Variants in CACNB2 observed in about 807,000 individuals in gnomAD.
CACNB2 encodes the protein voltage-dependent L-type calcium channel subunit beta-2.
CACNB2 carries 42 observed loss-of-function variants against 73.3 expected under a neutral mutation model. That is an observed-to-expected ratio of 0.57 (90% CI 0.45 to 0.74). The LOEUF (loss-of-function observed/expected upper bound fraction) is 0.74. Ranked by LOEUF, CACNB2 falls within the 30% of genes least tolerant of loss-of-function variation. The probability of loss-of-function intolerance (pLI) is 0.00; values close to 1 mark genes in which losing one functional copy is unlikely to be tolerated. For missense variants in CACNB2, 940 were observed against 853.0 expected (o/e 1.10, Z -1.27); for synonymous variants, 348 against 310.3 (o/e 1.12, Z -1.28).
Position 18,445,990 on chromosome 10 carries a change from C to T in CACNB2, c.333+43947C>T, listed in dbSNP as rs554282638. Among the ~76,000 whole-genome samples the T allele has an allele frequency of 1.3e-4, 20 of 152,258 alleles. 1 individual carries two copies. The South Asian group carries it at 4.1e-3, about 32-fold the overall frequency. On this transcript the variant is annotated intron_variant, in intron 3 of 13. Transcript: ENST00000324631. ...AGGAGGTTTCAGTGAGCCAAGATCA[C>T]ACCATTACACTCCAGCCTGGGTGAC... is the stretch of plus-strand genomic sequence containing the variant.
chr10:18,275,525 A>T (rs901344516), intron 2 of CACNB2, among the ~76,000 whole-genome samples: 5 of 152,150 alleles, frequency 3.3e-5, no homozygotes, highest in Admixed American at 3.3e-4. Flanking sequence ...AGGTGATGGG[A>T]TGATCTTTGA....
At chr10:18,315,691 C>T (rs1218072120) in intron 2 of CACNB2, among the ~76,000 whole-genome samples, 1 of 151,504 alleles carries the variant, frequency 6.6e-6, no homozygotes, top group Non-Finnish European at 1.5e-5. Context: ...AGGATCCTGT[C>T]CCAAAGAAAC....
intron 2 of CACNB2, among the ~76,000 whole-genome samples, chr10:18,210,651 A>G (rs2035280929): frequency 6.6e-6 from 1 of 152,012 alleles, no homozygotes; most frequent in Admixed American, 6.6e-5. Flanking sequence ...ACAATAAAGG[A>G]CTCTACCTCC....
At chr10:18,490,346 C>T (rs550644146) in intron 3 of CACNB2, among the ~76,000 whole-genome samples, 13 of 152,294 alleles carry the variant, frequency 8.5e-5, no homozygotes, top group Non-Finnish European at 1.0e-4. Context: ...ATTTACCAGT[C>T]GCCCTCATGC....
chr10:18,392,163 A>G (rs2043506836), intron 2 of CACNB2, among the ~76,000 whole-genome samples: 1 of 152,118 alleles, frequency 6.6e-6, no homozygotes, highest in Non-Finnish European at 1.5e-5. Flanking sequence ...AAGGGGCCCA[A>G]CAAGGTTAGA....
intron 2 of CACNB2, among the ~76,000 whole-genome samples, chr10:18,332,661 G>C (rs923435749): frequency 6.6e-6 from 1 of 152,140 alleles, no homozygotes; most frequent in African/African-American, 2.4e-5. Context: ...CAGGGTGAGA[G>C]GGGGTATCTA....
At chr10:18,186,702 C>G (rs890239028) in intron 2 of CACNB2, among the ~76,000 whole-genome samples, 12 of 152,120 alleles carry the variant, frequency 7.9e-5, no homozygotes, top group Non-Finnish European at 1.6e-4. Flanking sequence ...AGGACAATAC[C>G]AAGAGAGATG....
chr10:18,480,604 A>T (rs2048674798), intron 3 of CACNB2, among the ~76,000 whole-genome samples: 1 of 152,246 alleles, frequency 6.6e-6, no homozygotes, highest in Non-Finnish European at 1.5e-5. Context: ...GAATTACAAA[A>T]GAAATGATTT....
intron 10 of CACNB2, among the ~76,000 whole-genome samples, chr10:18,530,894 G>A (rs113385566): frequency 5.6e-4 from 86 of 152,274 alleles, no homozygotes; most frequent in Admixed American, 1.0e-3. Flanking sequence ...AAGCGATGAC[G>A]CTTCACTTCT....
intron 2 of CACNB2, among the ~76,000 whole-genome samples, chr10:18,289,262 G>A (rs1187793664): frequency 6.9e-6 from 1 of 145,334 alleles, no homozygotes. Flanking sequence ...ATCTTACGAA[G>A]TTGTCTTCAT....
chr10:18,499,097 A>G (rs1055548359), intron 4 of CACNB2, among the ~76,000 whole-genome samples: 1 of 152,226 alleles, frequency 6.6e-6, no homozygotes, highest in African/African-American at 2.4e-5. Context: ...GTTTGGAGTC[A>G]ACATTTATCA....
intron 2 of CACNB2, among the ~76,000 whole-genome samples, chr10:18,335,976 T>C (rs919631980): frequency 1.3e-5 from 2 of 152,234 alleles, no homozygotes; most frequent in Non-Finnish European, 2.9e-5. Flanking sequence ...TTAACATTTT[T>C]CTATTGTAAA....
chr10:18,307,983 C>CTTTT (rs869311555), intron 2 of CACNB2, among the ~76,000 whole-genome samples: 4,872 of 70,086 alleles, frequency 0.07, 1,066 homozygotes, highest in Non-Finnish European at 0.094. Flanking sequence ...TATATGCCAA[C>CTTTT]TTTTTTTTTT....
rs1246608729 is a variant in CACNB2 at position 18,518,936 on chromosome 10, G to A, written c.912G>A (p.Leu304=). The A allele has an allele frequency of 3.1e-6, 5 of 1,613,936 alleles. No homozygotes were observed. Among genetic ancestry groups the A allele is most frequent in the Non-Finnish European group, 3.4e-6 (4 of 1,179,872 alleles). Residue 304 remains leucine, a synonymous_variant, in exon 9 of 14, where the codon CTG becomes CTA. Coordinates refer to ENST00000324631, the MANE Select transcript of CACNB2 (RefSeq NM_201596.3). The part of the protein sequence containing the change: ...YEVTDMMQKA[L]FDFLKHRFEG... ...TCACAGATATGATGCAAAAAGCGCT[G>A]TTTGATTTTTTAAAACACAGATTTG...
intron 2 of CACNB2, among the ~76,000 whole-genome samples, chr10:18,231,500 G>A (rs1588776149): frequency 6.6e-6 from 1 of 152,190 alleles, no homozygotes. Flanking sequence ...CTTATGTCTT[G>A]TGTATCTCTT....
chr10:18,245,885 A>G (rs933265919), intron 2 of CACNB2, among the ~76,000 whole-genome samples: 41 of 152,176 alleles, frequency 2.7e-4, no homozygotes, highest in African/African-American at 9.2e-4. Flanking sequence ...TTAAATGTGC[A>G]TAGTGCTTAT....
At chr10:18,211,903 A>G (rs767189457) in intron 2 of CACNB2, among the ~76,000 whole-genome samples, 1 of 152,144 alleles carries the variant, frequency 6.6e-6, no homozygotes, top group Admixed American at 6.6e-5. Flanking sequence ...TGACATTATA[A>G]ATATGCAGGT....
At chr10:18,340,138 G>A (rs1457787871) in intron 2 of CACNB2, among the ~76,000 whole-genome samples, 1 of 152,080 alleles carries the variant, frequency 6.6e-6, no homozygotes, top group African/African-American at 2.4e-5. Context: ...TTGATTTATA[G>A]GAGTTCTATT....
rs187112390 is a variant in CACNB2 at position 18,224,102 on chromosome 10, A to G, written c.213+73127A>G. 3.3e-5 allele frequency among the ~76,000 whole-genome samples: 5 copies of G among 152,204 alleles called. No homozygotes were observed. In the East Asian group the frequency reaches 9.7e-4, roughly 29 times the overall value. On this transcript the variant is annotated intron_variant, in intron 2 of 13. Transcript: ENST00000324631. ...GGCCCTAGAGATGAGTAATAAGGAC[A>G]AATTAGATATAAAATAAAATATTAC...
Sources: gnomAD v4.1 joint callset for allele counts (sites outside exome capture counted in the v4.1 genomes callset) on GRCh38, gnomAD v4.1.1 for gene constraint, MANE v1.5 for transcripts, NCBI Gene and HGNC (gene_info 2026-07-23, HGNC 2026-07-21) for gene names.